GRIA4: variants seen among roughly 807,000 people sequenced by gnomAD.
GRIA4 encodes the protein glutamate ionotropic receptor AMPA type subunit 4, also known as glutamate receptor 4.
Under a neutral mutation model 104.0 loss-of-function variants are expected in GRIA4, and 34 were observed. The ratio of observed to expected loss-of-function variants is 0.33; its 90% CI spans 0.25 to 0.44. GRIA4 has a LOEUF of 0.44. GRIA4 is among the 20% of genes least tolerant of loss of function. The probability of loss-of-function intolerance (pLI) is 1.00; values close to 1 mark genes in which losing one functional copy is unlikely to be tolerated. For synonymous variants in GRIA4, 386 were observed against 381.9 expected, an observed-to-expected ratio of 1.01 and a Z score of -0.13; for missense variants, 750 against 1,096.5, an observed-to-expected ratio of 0.68 and a Z score of 4.46.
intron 4 of GRIA4, among the ~76,000 whole-genome samples, chr11:105,773,176 G>C (rs935308253): frequency 2.0e-5 from 3 of 151,564 alleles, no homozygotes; most frequent in Admixed American, 2.0e-4. Context: ...GCTTTTCTCC[G>C]TGTTTGTCTA....
intron 4 of GRIA4, among the ~76,000 whole-genome samples, chr11:105,807,118 A>C (rs1591287406): frequency 6.6e-6 from 1 of 151,938 alleles, no homozygotes; most frequent in South Asian, 2.1e-4. Flanking sequence ...AAAACAACAA[A>C]TGAGGGAAAA....
At chr11:105,648,218 T>C (rs910954008) in intron 3 of GRIA4, among the ~76,000 whole-genome samples, 20 of 151,668 alleles carry the variant, frequency 1.3e-4, no homozygotes, top group African/African-American at 3.9e-4. Context: ...GCATGTCATC[T>C]AGAGTTTTTA....
At chr11:105,890,110 C>T (rs1156738683) in intron 6 of GRIA4, among the ~76,000 whole-genome samples, 1 of 152,092 alleles carries the variant, frequency 6.6e-6, no homozygotes, top group Non-Finnish European at 1.5e-5. Flanking sequence ...TGAAGTCCAA[C>T]TCATATTTAC....
rs555857019 is a variant in GRIA4 at position 105,786,439 on chromosome 11, C to T, written c.487+33219C>T. Among the ~76,000 whole-genome samples the T allele has an allele frequency of 2.9e-4, 44 of 152,246 alleles. No homozygotes were observed. In the East Asian group the frequency reaches 7.0e-3, roughly 24 times the overall value. ...ATTTAGCTTTCTTATTCTTGAATTT[C>T]TCCTTGTGTGAGTTCTTTAGTTGAA... On this transcript the variant is annotated intron_variant, in intron 4 of 16. Coordinates refer to ENST00000282499, the MANE Select transcript of GRIA4 (RefSeq NM_000829.4).
intron 4 of GRIA4, among the ~76,000 whole-genome samples, chr11:105,795,285 A>G (rs188557804): frequency 1.3e-5 from 2 of 152,256 alleles, no homozygotes; most frequent in East Asian, 3.9e-4. Context: ...TAATTAAACA[A>G]GAGATTATTA....
chr11:105,930,753 G>C (rs1947849329), intron 13 of GRIA4, among the ~76,000 whole-genome samples: 1 of 151,938 alleles, frequency 6.6e-6, no homozygotes, highest in African/African-American at 2.4e-5. Context: ...TAACTGGAAA[G>C]TTGCCAAGTA....
At chr11:105,625,032 A>G (rs1412273189) in intron 3 of GRIA4, among the ~76,000 whole-genome samples, 1 of 152,122 alleles carries the variant, frequency 6.6e-6, no homozygotes. Context: ...GTGATATCCC[A>G]TTCAACACAG....
At chr11:105,624,597 A>T (rs569249697) in intron 3 of GRIA4, among the ~76,000 whole-genome samples, 119 of 152,226 alleles carry the variant, frequency 7.8e-4, no homozygotes, top group Non-Finnish European at 2.4e-4. Context: ...AAATTAGGTT[A>T]TCCTTGGTTA....
intron 4 of GRIA4, among the ~76,000 whole-genome samples, chr11:105,830,844 T>G (rs2135932042): frequency 6.6e-6 from 1 of 152,108 alleles, no homozygotes; most frequent in East Asian, 1.9e-4. Flanking sequence ...TAACAGGTAG[T>G]TTTGCTGAAT....
chr11:105,666,414 A>G (rs2135424416), intron 3 of GRIA4, among the ~76,000 whole-genome samples: 1 of 152,070 alleles, frequency 6.6e-6, no homozygotes, highest in East Asian at 1.9e-4. Flanking sequence ...CAAAGATGCT[A>G]TCTTGTAGAT....
chr11:105,876,793 T>C (rs1220421546), intron 5 of GRIA4, among the ~76,000 whole-genome samples: 1 of 152,214 alleles, frequency 6.6e-6, no homozygotes, highest in Non-Finnish European at 1.5e-5. Context: ...CTCTTTATTT[T>C]GAGCTTATAT....
At chr11:105,738,925 A>G (rs984654570) in intron 3 of GRIA4, among the ~76,000 whole-genome samples, 1 of 114,616 alleles carries the variant, frequency 8.7e-6, no homozygotes, top group Non-Finnish European at 2.0e-5. Flanking sequence ...ACAAGTAAAA[A>G]AAAACAAAAA....
At chr11:105,831,277 C>T (rs1943966832) in intron 4 of GRIA4, among the ~76,000 whole-genome samples, 1 of 151,942 alleles carries the variant, frequency 6.6e-6, no homozygotes, top group Non-Finnish European at 1.5e-5. Context: ...CATGTACGTT[C>T]CAAGAAGGAG....
intron 6 of GRIA4, among the ~76,000 whole-genome samples, chr11:105,891,716 T>C (rs1217358320): frequency 6.6e-6 from 1 of 152,198 alleles, no homozygotes; most frequent in Non-Finnish European, 1.5e-5. Context: ...CTACCCTGTG[T>C]ACTCATAGTA....
intron 3 of GRIA4, among the ~76,000 whole-genome samples, chr11:105,743,603 T>C (rs548754222): frequency 6.6e-6 from 1 of 152,342 alleles, no homozygotes; most frequent in Non-Finnish European, 1.5e-5. Flanking sequence ...AAACCATTTC[T>C]TCTTGCTCCA....
At chr11:105,890,725 C>T (rs1049770806) in intron 6 of GRIA4, among the ~76,000 whole-genome samples, 9 of 152,236 alleles carry the variant, frequency 5.9e-5, no homozygotes, top group Non-Finnish European at 7.3e-5. Context: ...AGGGAGCTAA[C>T]ATCATCTGAA....
chr11:105,889,003 A>T (rs113120439), intron 6 of GRIA4, among the ~76,000 whole-genome samples: 22 of 152,288 alleles, frequency 1.4e-4, no homozygotes, highest in African/African-American at 4.8e-4. Flanking sequence ...ACTTAGGATT[A>T]TGAGATAACT....
chr11:105,745,759 A>T (rs887619852), intron 3 of GRIA4, among the ~76,000 whole-genome samples: 1 of 152,200 alleles, frequency 6.6e-6, no homozygotes, highest in Non-Finnish European at 1.5e-5. Context: ...CAAGGCAGTC[A>T]GGAGTGGGAC....
intron 3 of GRIA4, among the ~76,000 whole-genome samples, chr11:105,671,231 G>C (rs1952354165): frequency 6.6e-6 from 1 of 152,076 alleles, no homozygotes; most frequent in Non-Finnish European, 1.5e-5. Context: ...GGACTTCTTT[G>C]TGGGACCATT....
Sources: gnomAD v4.1 joint callset for allele counts (sites outside exome capture counted in the v4.1 genomes callset) on GRCh38, gnomAD v4.1.1 for gene constraint, MANE v1.5 for transcripts, NCBI Gene and HGNC (gene_info 2026-07-23, HGNC 2026-07-21) for gene names.